ADAMTS17: variants seen among roughly 807,000 people sequenced by gnomAD.
The protein encoded by ADAMTS17 is A disintegrin and metalloproteinase with thrombospondin motifs 17.
Under a neutral mutation model 141.5 loss-of-function variants are expected in ADAMTS17, and 113 were observed. The ratio of observed to expected loss-of-function variants is 0.80; its 90% CI spans 0.69 to 0.93. The LOEUF (loss-of-function observed/expected upper bound fraction) is 0.93. Among genes scored for constraint, ADAMTS17 ranks in the 40% least tolerant of loss-of-function variants. ADAMTS17 has a pLI of 0.00. For synonymous variants in ADAMTS17, 768 were observed against 630.6 expected, an observed-to-expected ratio of 1.22 and a Z score of -3.27; for missense variants, 1,659 against 1,517.9, an observed-to-expected ratio of 1.09 and a Z score of -1.54.
At chr15:100,013,236 T>C (rs2061222693) in intron 18 of ADAMTS17, among the ~76,000 whole-genome samples, 1 of 152,322 alleles carries the variant, frequency 6.6e-6, no homozygotes, top group East Asian at 1.9e-4. Context: ...ATTAATCTTG[T>C]TTCTGGAAAC....
Position 100,109,043 on chromosome 15 carries a change from G to C in ADAMTS17, c.1962C>G (p.Asp654Glu). The change falls in exon 14 of 22, where the codon GAC becomes GAG. Residue 654 changes from aspartate to glutamate, a missense_variant. Asp to Glu is a conservative substitution (Grantham distance 45). Transcript: ENST00000268070. ...SPLLVADRVL[D>E]GTPCGPYETD... The stretch of plus-strand genomic sequence containing the variant: ...TCTCGTAGGGCCCGCAGGGTGTACC[G>C]TCCAGGACCCTGTCGGCCACCAGCA... 1 of 1,614,020 alleles carries C rather than the reference G, an allele frequency of 6.2e-7. No individual in the cohort carries two copies. Among genetic ancestry groups the C allele is most frequent in the Non-Finnish European group, 8.5e-7 (1 of 1,180,022 alleles).
intron 3 of ADAMTS17, among the ~76,000 whole-genome samples, chr15:100,315,969 C>G (rs917496465): frequency 6.6e-6 from 1 of 152,200 alleles, no homozygotes; most frequent in African/African-American, 2.4e-5. Context: ...CTTGAACACT[C>G]CCGAGGAAAT....
chr15:100,056,996 G>C (rs1342509645), intron 15 of ADAMTS17, among the ~76,000 whole-genome samples: 1 of 152,104 alleles, frequency 6.6e-6, no homozygotes, highest in South Asian at 2.1e-4. Context: ...AGCTGAGCGT[G>C]TAAGACAGGG....
At chr15:100,027,330 C>A (rs1451558195) in intron 18 of ADAMTS17, among the ~76,000 whole-genome samples, 2 of 152,092 alleles carry the variant, frequency 1.3e-5, no homozygotes, top group African/African-American at 4.8e-5. Context: ...GAGCATATAA[C>A]ATTTACATAT....
At chr15:100,340,024 T>C (rs2046317286) in intron 2 of ADAMTS17, among the ~76,000 whole-genome samples, 1 of 152,208 alleles carries the variant, frequency 6.6e-6, no homozygotes, top group South Asian at 2.1e-4. Flanking sequence ...TTCTTGTGCC[T>C]GGGAAGGACA....
In ADAMTS17 at chr15:99,977,728, C is replaced by A. The variant is rs375912737; in HGVS notation, c.2950-1506G>T. 1.3e-4 allele frequency among the ~76,000 whole-genome samples: 19 copies of A among 151,930 alleles called. No homozygotes were observed. In the East Asian group the frequency reaches 2.1e-3, roughly 17 times the overall value. Reference sequence around the variant, plus strand: ...ACCGTGCCTGGTGTCTCTTCACACTCCTTAAAGCATTTCCCAGGTAGGAAC... The same window carrying A: ...ACCGTGCCTGGTGTCTCTTCACACTACTTAAAGCATTTCCCAGGTAGGAAC... On this transcript the variant is annotated intron_variant, in intron 20 of 21. Transcript: ENST00000268070.
intron 7 of ADAMTS17, among the ~76,000 whole-genome samples, chr15:100,231,983 T>A (rs969688662): frequency 6.6e-6 from 1 of 152,230 alleles, no homozygotes. Flanking sequence ...ACCTTCATTT[T>A]ACTTGTGAAT....
intron 8 of ADAMTS17, among the ~76,000 whole-genome samples, chr15:100,166,636 C>G (rs2141445887): frequency 6.6e-6 from 1 of 152,298 alleles, no homozygotes; most frequent in Admixed American, 6.5e-5. Context: ...TGGTTAAAGA[C>G]CTGACAATAA....
intron 3 of ADAMTS17, among the ~76,000 whole-genome samples, chr15:100,297,864 T>TACAGAG (rs1162221669): frequency 2.0e-5 from 3 of 151,990 alleles, no homozygotes; most frequent in Non-Finnish European, 4.4e-5. Flanking sequence ...GAAATAACAC[T>TACAGAG]ACAGAGACAG....
chr15:99,975,469 C>G (rs780718747), intron 21 of ADAMTS17, among the ~76,000 whole-genome samples: 2 of 152,172 alleles, frequency 1.3e-5, no homozygotes, highest in Non-Finnish European at 2.9e-5. Flanking sequence ...CTCGGCCTCC[C>G]AAAGTGCTGG....
At chr15:100,269,189 C>T (rs1303317319) in intron 4 of ADAMTS17, among the ~76,000 whole-genome samples, 4 of 152,100 alleles carry the variant, frequency 2.6e-5, no homozygotes, top group Non-Finnish European at 5.9e-5. Flanking sequence ...AAGAAAACAT[C>T]GGAAATACCT....
Position 100,051,591 on chromosome 15 carries a change from G to GCACCCTT in ADAMTS17, c.2429_2435dup (p.Cys812Ter). The GCACCCTT allele has an allele frequency of 6.2e-7, 1 of 1,613,904 alleles. No homozygotes were observed. The highest frequency in any genetic ancestry group is 8.5e-7 in the Non-Finnish European group (1 of 1,179,954). On this transcript the variant is annotated stop_gained and frameshift_variant, in exon 17 of 22. Transcript: ENST00000268070. LOFTEE classifies it high-confidence loss of function. The stretch of plus-strand genomic sequence containing the variant: ...ACTCACCTCCGCCGCACTGCACACT[G>GCACCCTT]CACCCTTCCCAGCCGCTGTGGGTCC...
Position 100,216,693 on chromosome 15 carries a change from C to T in ADAMTS17, c.1076-17270G>A, listed in dbSNP as rs985060004. ...CACAGTCTGCTGTCTACCAAGCTAC[C>T]GGGATGCTTTATCCAGAGGCCTATG... is the stretch of plus-strand genomic sequence containing the variant. On this transcript the variant is annotated intron_variant, in intron 7 of 21. Transcript: ENST00000268070. Among the ~76,000 whole-genome samples, 12 of 152,302 alleles carry T rather than the reference C, an allele frequency of 7.9e-5. No homozygotes were observed. The South Asian group carries it at 8.3e-4, about 11-fold the overall frequency.
At chr15:100,052,768 G>T (rs185426663) in intron 16 of ADAMTS17, among the ~76,000 whole-genome samples, 2 of 152,364 alleles carry the variant, frequency 1.3e-5, no homozygotes, top group African/African-American at 4.8e-5. Flanking sequence ...TTGGGTCCCA[G>T]AAACCTACTT....
intron 3 of ADAMTS17, among the ~76,000 whole-genome samples, chr15:100,286,283 C>T (rs142872607): frequency 0.011 from 1,707 of 152,320 alleles, 15 homozygotes; most frequent in Non-Finnish European, 0.017. Context: ...CCCATCCCAC[C>T]GCCCTACGCA....
intron 15 of ADAMTS17, among the ~76,000 whole-genome samples, chr15:100,054,671 C>T (rs1174931447): frequency 1.3e-5 from 2 of 152,164 alleles, no homozygotes; most frequent in Non-Finnish European, 2.9e-5. Flanking sequence ...GTGGTGGTCA[C>T]ACTTGGCAGC....
At chr15:100,261,106 C>T (rs2043499544) in intron 6 of ADAMTS17, among the ~76,000 whole-genome samples, 2 of 152,262 alleles carry the variant, frequency 1.3e-5, no homozygotes, top group South Asian at 4.1e-4. Flanking sequence ...GAATGTGACC[C>T]TATGTGGAAA....
intron 6 of ADAMTS17, among the ~76,000 whole-genome samples, chr15:100,257,648 C>A (rs141273552): frequency 1.3e-5 from 2 of 152,340 alleles, no homozygotes; most frequent in South Asian, 4.1e-4. Context: ...GAGGACATTG[C>A]CCATGCCCCC....
Position 100,196,821 on chromosome 15 carries a change from C to T in ADAMTS17, c.1181+2497G>A, listed in dbSNP as rs150762113. On this transcript the variant is annotated intron_variant, in intron 8 of 21. Transcript: ENST00000268070. ...CCCAGCAACCAGAGGGGCCTGCTGACGGGGAGGACATAGCTTCATCCTCAG... is the reference window on the plus strand; with the variant it reads ...CCCAGCAACCAGAGGGGCCTGCTGATGGGGAGGACATAGCTTCATCCTCAG... Among the ~76,000 whole-genome samples, 1,301 of 152,274 alleles carry T rather than the reference C, an allele frequency of 8.5e-3. 4 individuals are homozygous for T. The highest frequency in any genetic ancestry group is 0.011 in the Non-Finnish European group (720 of 68,026).
Sources: allele counts gnomAD v4.1 joint callset (sites outside exome capture counted in the v4.1 genomes callset), GRCh38; gene constraint gnomAD v4.1.1; transcripts MANE v1.5; gene names NCBI Gene and HGNC (gene_info 2026-07-23, HGNC 2026-07-21).